FGGY: variants seen among roughly 807,000 people sequenced by gnomAD.
FGGY encodes FGGY carbohydrate kinase domain-containing protein.
FGGY carries 72 observed loss-of-function variants against 71.3 expected under a neutral mutation model. The observed-to-expected ratio is 1.01, with a 90% CI of 0.84 to 1.23. The LOEUF (loss-of-function observed/expected upper bound fraction) is 1.23. Ranked by LOEUF, FGGY falls within the 50% of genes most tolerant of loss-of-function variation. The pLI, the probability that FGGY is intolerant of heterozygous loss-of-function variation, is 0.00. For missense variants in FGGY, 668 were observed against 682.3 expected (o/e 0.98, Z 0.23); for synonymous variants, 251 against 250.3 (o/e 1.00, Z -0.02).
intron 14 of FGGY, chr1:59,755,266 G>T (rs1031856749): frequency 6.6e-6 from 1 of 151,990 alleles, no homozygotes; most frequent in Non-Finnish European, 1.5e-5. Context: ...TTAACATTCC[G>T]TCACGTGTAT....
intron 8 of FGGY, among the ~76,000 whole-genome samples, chr1:59,589,273 G>C (rs978835528): frequency 6.6e-6 from 1 of 152,060 alleles, no homozygotes; most frequent in East Asian, 1.9e-4. Context: ...ACAGGAGCAC[G>C]CAGTTTCATA....
intron 4 of FGGY, among the ~76,000 whole-genome samples, chr1:59,376,024 T>A (rs2058610134): frequency 6.6e-6 from 1 of 151,974 alleles, no homozygotes; most frequent in Admixed American, 6.6e-5. Context: ...GGCTGCCTTT[T>A]CTCCTCTCCC....
intron 5 of FGGY, among the ~76,000 whole-genome samples, chr1:59,447,994 C>T (rs2071708497): frequency 6.6e-6 from 1 of 152,006 alleles, no homozygotes; most frequent in African/African-American, 2.4e-5. Flanking sequence ...TGTTTTTAGC[C>T]TCATTTTTAT....
At chr1:59,324,553 G>A (rs1341329995) in intron 2 of FGGY, among the ~76,000 whole-genome samples, 1 of 152,052 alleles carries the variant, frequency 6.6e-6, no homozygotes, top group African/African-American at 2.4e-5. Context: ...TGGGATTACA[G>A]GCGTGAGCCA....
intron 5 of FGGY, among the ~76,000 whole-genome samples, chr1:59,387,625 A>G (rs775055193): frequency 1.7e-4 from 26 of 152,184 alleles, no homozygotes; most frequent in South Asian, 2.1e-4. Flanking sequence ...GAAAAATTTA[A>G]ACCTACAGAA....
chr1:59,467,762 C>G (rs1054709008), intron 6 of FGGY, among the ~76,000 whole-genome samples: 1 of 152,072 alleles, frequency 6.6e-6, no homozygotes, highest in African/African-American at 2.4e-5. Flanking sequence ...TGTCAGATGA[C>G]AAAAACACAG....
intron 5 of FGGY, among the ~76,000 whole-genome samples, chr1:59,446,014 C>T (rs1337808011): frequency 2.6e-5 from 4 of 152,192 alleles, no homozygotes; most frequent in Non-Finnish European, 1.5e-5. Flanking sequence ...ATAATAGTAT[C>T]CTCACAAGTT....
chr1:59,620,149 C>T (rs1014850402), intron 9 of FGGY, among the ~76,000 whole-genome samples: 19 of 151,614 alleles, frequency 1.3e-4, no homozygotes, highest in Non-Finnish European at 7.4e-5. Context: ...CAAAGTTGAC[C>T]CTCCATTATC....
At chr1:59,512,193 T>C in intron 6 of FGGY, 118 bp from the exon 7 acceptor site, 2 of 1,165,992 alleles carry the variant, frequency 1.7e-6, no homozygotes, top group Non-Finnish European at 2.3e-6. Flanking sequence ...GCATGGTTTT[T>C]ATCTTTGCAA....
At chr1:59,520,935 C>T (rs1290028734) in intron 7 of FGGY, among the ~76,000 whole-genome samples, 1 of 150,824 alleles carries the variant, frequency 6.6e-6, no homozygotes, top group Admixed American at 6.6e-5. Context: ...GCGCAGGAGC[C>T]AGGCCAGGCG....
Position 59,667,448 on chromosome 1 carries a change from G to A in FGGY, c.1417+45G>A, listed in dbSNP as rs370865577. 87 of 1,605,212 alleles carry A rather than the reference G, an allele frequency of 5.4e-5. No individual in the cohort carries two copies. In the East Asian group the frequency reaches 1.5e-3, roughly 28 times the overall value. ...GAGAAGGTCACTTTTTGGCTTGGCA[G>A]CAAATGGGCATGGCCAAGTTCTGGG... On this transcript the variant is annotated intron_variant, in intron 13 of 15. Coordinates refer to ENST00000303721, the MANE Select transcript of FGGY (RefSeq NM_018291.5).
intron 5 of FGGY, among the ~76,000 whole-genome samples, chr1:59,434,663 C>G (rs1453590204): frequency 6.6e-6 from 1 of 152,178 alleles, no homozygotes; most frequent in East Asian, 1.9e-4. Flanking sequence ...GGTGAGGACT[C>G]ACTTCCTGGT....
chr1:59,690,510 G>A (rs185305811), intron 14 of FGGY, among the ~76,000 whole-genome samples: 27 of 152,262 alleles, frequency 1.8e-4, no homozygotes, highest in Non-Finnish European at 3.2e-4. Flanking sequence ...AACTCATCTT[G>A]GTGAGGCCCA....
chr1:59,401,131 G>A (rs935347091), intron 5 of FGGY, among the ~76,000 whole-genome samples: 8 of 151,854 alleles, frequency 5.3e-5, no homozygotes, highest in East Asian at 1.9e-4. Flanking sequence ...CTTAGTGTTC[G>A]GTTTAACTAT....
intron 8 of FGGY, among the ~76,000 whole-genome samples, chr1:59,597,838 A>G (rs577431468): frequency 2.1e-4 from 32 of 152,330 alleles, no homozygotes; most frequent in Middle Eastern, 6.8e-3. Flanking sequence ...GTTTAGAATC[A>G]AAAAAGAGCA....
intron 8 of FGGY, among the ~76,000 whole-genome samples, chr1:59,587,578 G>A (rs1258723840): frequency 2.0e-5 from 3 of 152,116 alleles, no homozygotes; most frequent in Non-Finnish European, 4.4e-5. Context: ...TCACACGGCC[G>A]GGTACTCCTC....
intron 12 of FGGY, among the ~76,000 whole-genome samples, chr1:59,666,721 G>T (rs1572890436): frequency 6.6e-6 from 1 of 152,164 alleles, no homozygotes; most frequent in African/African-American, 2.4e-5. Context: ...CTGGTTTCAG[G>T]CAATAGCAGC....
intron 5 of FGGY, among the ~76,000 whole-genome samples, chr1:59,386,057 G>A (rs946304834): frequency 3.3e-5 from 5 of 152,094 alleles, no homozygotes; most frequent in Non-Finnish European, 7.4e-5. Context: ...AAATTGTGAA[G>A]ACGCTACAGA....
intron 14 of FGGY, among the ~76,000 whole-genome samples, chr1:59,687,659 G>T (rs542300250): frequency 1.3e-5 from 2 of 150,568 alleles, no homozygotes; most frequent in South Asian, 2.1e-4. Flanking sequence ...AAGTAGAGAT[G>T]GTGTTTCACC....
Sources: gnomAD v4.1 joint callset for allele counts (sites outside exome capture counted in the v4.1 genomes callset) on GRCh38, gnomAD v4.1.1 for gene constraint, MANE v1.5 for transcripts, NCBI Gene and HGNC (gene_info 2026-07-23, HGNC 2026-07-21) for gene names.